Variants in PLCE1 observed in about 807,000 individuals in gnomAD.
PLCE1 encodes 1-phosphatidylinositol 4,5-bisphosphate phosphodiesterase epsilon-1.
Under a neutral mutation model 242.8 loss-of-function variants are expected in PLCE1, and 119 were observed. That is an observed-to-expected ratio of 0.49 (90% CI 0.42 to 0.57). The LOEUF is 0.57. PLCE1 is among the 20% of genes least tolerant of loss of function. The pLI, the probability that PLCE1 is intolerant of heterozygous loss-of-function variation, is 0.00. For missense variants in PLCE1, 2,441 were observed against 2,788.8 expected, an observed-to-expected ratio of 0.88 and a Z score of 2.81; for synonymous variants, 945 against 1,017.4, an observed-to-expected ratio of 0.93 and a Z score of 1.35.
intron 7 of PLCE1, among the ~76,000 whole-genome samples, chr10:94,239,241 C>T (rs1356598022): frequency 6.6e-6 from 1 of 152,104 alleles, no homozygotes; most frequent in Non-Finnish European, 1.5e-5. Context: ...ATTTGTAATC[C>T]CTATAATCCC....
intron 2 of PLCE1, among the ~76,000 whole-genome samples, chr10:94,087,247 G>A (rs556683053): frequency 6.6e-6 from 1 of 150,708 alleles, no homozygotes; most frequent in East Asian, 2.0e-4. Flanking sequence ...CTACTCAGGA[G>A]GCTGAGGTGG....
At chr10:94,043,638 A>G (rs539815191) in intron 2 of PLCE1, among the ~76,000 whole-genome samples, 2 of 152,296 alleles carry the variant, frequency 1.3e-5, no homozygotes, top group Non-Finnish European at 2.9e-5. Context: ...TAGCCTTGAG[A>G]AACTCTCTTC....
intron 14 of PLCE1, among the ~76,000 whole-genome samples, 166 bp downstream of exon 14, chr10:94,262,898 A>C (rs2051357656): frequency 6.6e-6 from 1 of 151,066 alleles, no homozygotes; most frequent in Non-Finnish European, 1.5e-5. Flanking sequence ...TTTGAGACAG[A>C]GTCTTACTCT....
chr10:94,216,776 C>T (rs1425115270), intron 4 of PLCE1, among the ~76,000 whole-genome samples: 2 of 152,024 alleles, frequency 1.3e-5, no homozygotes, highest in Non-Finnish European at 2.9e-5. Flanking sequence ...GCCACATTCT[C>T]TGTGACTTCT....
chr10:94,252,271 T>A (rs1261767140), intron 8 of PLCE1, 45 bp from the exon 9 acceptor site: 3 of 1,567,642 alleles, frequency 1.9e-6, no homozygotes, highest in Non-Finnish European at 2.6e-6. Flanking sequence ...TACTTCCCCA[T>A]TGCTTGATGC....
rs187393896 is a variant in PLCE1, at chr10:94,114,992, C to T, written c.1207-17182C>T. Reference sequence around the variant, plus strand: ...TCCAAGTGTTCTCATTGTTCAATTCCCACCTATAAGTGAGAACATGCGATG... The same window carrying T: ...TCCAAGTGTTCTCATTGTTCAATTCTCACCTATAAGTGAGAACATGCGATG... On this transcript the variant is annotated intron_variant, in intron 2 of 32. Transcript: ENST00000371380. 1.5e-3 allele frequency among the ~76,000 whole-genome samples: 221 copies of T among 151,760 alleles called. 1 individual carries two copies. Among genetic ancestry groups the T allele is most frequent in the Admixed American group, 2.5e-3 (38 of 15,244 alleles).
chr10:94,233,922 T>C, intron 5 of PLCE1, 132 bp from the exon 6 acceptor site: 2 of 790,906 alleles, frequency 2.5e-6, no homozygotes, highest in Non-Finnish European at 4.1e-6. Flanking sequence ...CACTCCAGCC[T>C]GGGCAACAGA....
intron 5 of PLCE1, among the ~76,000 whole-genome samples, chr10:94,233,458 T>C (rs2050210534): frequency 6.6e-6 from 1 of 152,192 alleles, no homozygotes; most frequent in Non-Finnish European, 1.5e-5. Flanking sequence ...TACCCTCTAC[T>C]TTCCCCTTTT....
Position 94,329,805 on chromosome 10 carries a change from A to AAAC in PLCE1, c.*1864_*1865insCAA, listed in dbSNP as rs1564905220. On this transcript the variant is annotated 3_prime_UTR_variant, in exon 33 of 33. Transcript: ENST00000371380. ...AAAAAAAAAAAAAAAAAAAAAAAAA[A>AAAC]AAAAAACACCATACAGCTTTCATGT... 2.0e-5 allele frequency: 3 copies of AAAC among 149,368 alleles called. No individual in the cohort carries two copies. Among genetic ancestry groups the AAAC allele is most frequent in the East Asian group, 3.9e-4 (2 of 5,126 alleles). The allele number at this position is 149,368 out of a possible 1,614,324, so 9.3% of individuals were successfully genotyped here. A position where few individuals can be genotyped will look rare whatever the true frequency, so the allele number is the denominator to read the frequency against.
intron 3 of PLCE1, among the ~76,000 whole-genome samples, 180 bp downstream of exon 3, chr10:94,132,639 C>T (rs555233781): frequency 9.2e-5 from 14 of 152,042 alleles, no homozygotes; most frequent in Admixed American, 3.3e-4. Flanking sequence ...AAGGTGTCAA[C>T]ATTCCAAATA....
At chr10:94,245,804 T>C (rs1421606761) in intron 7 of PLCE1, 142 bp from the exon 8 acceptor site, 15 of 738,784 alleles carry the variant, frequency 2.0e-5, no homozygotes, top group African/African-American at 3.5e-5. Context: ...GAAGTTACTG[T>C]GTGCTATTTA....
chr10:94,073,513 G>A lies in PLCE1; in HGVS notation c.1206+41261G>A, dbSNP rs78101512. 3.5e-3 allele frequency among the ~76,000 whole-genome samples: 540 copies of A among 152,272 alleles called. 8 individuals are homozygous for A. The East Asian group carries it at 0.069, about 20-fold the overall frequency. On this transcript the variant is annotated intron_variant, in intron 2 of 32. Coordinates refer to ENST00000371380, the MANE Select transcript of PLCE1 (RefSeq NM_016341.4). ...AGGGTGAAGATACGGAAGCAGAATT[G>A]AGAGAAGACAGTTAAAACCAGTATG...
intron 28 of PLCE1, chr10:94,315,384 C>T (rs1168466416): frequency 2.2e-6 from 1 of 455,878 alleles, no homozygotes; most frequent in East Asian, 6.9e-5. Flanking sequence ...CACCAAGCTA[C>T]TTCTCACGGG....
chr10:94,032,358 C>A, intron 2 of PLCE1, 106 bp downstream of exon 2: 1 of 1,014,640 alleles, frequency 9.9e-7, no homozygotes, highest in Non-Finnish European at 1.5e-6. Context: ...TAAGATCTGT[C>A]AAATTATGAT....
At chr10:94,172,697 A>G (rs924536135) in intron 4 of PLCE1, among the ~76,000 whole-genome samples, 9 of 152,142 alleles carry the variant, frequency 5.9e-5, no homozygotes, top group African/African-American at 1.9e-4. Flanking sequence ...GGTGGTGCAC[A>G]CCTGCAGTCC....
At chr10:94,250,229 C>T (rs1380291689) in intron 8 of PLCE1, among the ~76,000 whole-genome samples, 4 of 151,428 alleles carry the variant, frequency 2.6e-5, no homozygotes, top group East Asian at 1.9e-4. Flanking sequence ...AGGCCAGGTG[C>T]GGTGGCTCAG....
In PLCE1 at chr10:94,230,364, G is replaced by A. The variant is rs377422876; in HGVS notation, c.1955+2913G>A. The stretch of plus-strand genomic sequence containing the variant: ...TTTTTAAACGGAGCCTCACCGTGTC[G>A]CCCAGGCTGGAGTGCAGTGGTGCAA... On this transcript the variant is annotated intron_variant, in intron 5 of 32. Transcript: ENST00000371380. Among the ~76,000 whole-genome samples the A allele has an allele frequency of 2.6e-3, 394 of 151,892 alleles. 1 individual carries two copies. The highest frequency in any genetic ancestry group is 8.0e-3 in the African/African-American group (331 of 41,418).
chr10:94,252,557 A>G (rs2050917601), intron 9 of PLCE1, 59 bp downstream of exon 9: 2 of 1,401,192 alleles, frequency 1.4e-6, no homozygotes, highest in Non-Finnish European at 9.9e-7. Flanking sequence ...CTGTATGGTG[A>G]ACATCACCAT....
intron 3 of PLCE1, among the ~76,000 whole-genome samples, chr10:94,143,937 A>T (rs1431773347): frequency 6.6e-6 from 1 of 152,254 alleles, no homozygotes; most frequent in Non-Finnish European, 1.5e-5. Context: ...TACAGTCACC[A>T]GAAACACCCT....
Sources: gnomAD v4.1 joint callset for allele counts (sites outside exome capture counted in the v4.1 genomes callset) on GRCh38, gnomAD v4.1.1 for gene constraint, MANE v1.5 for transcripts, NCBI Gene and HGNC (gene_info 2026-07-23, HGNC 2026-07-21) for gene names.